Variants in ANKS1B observed in about 807,000 individuals in gnomAD.
ANKS1B encodes ankyrin repeat and sterile alpha motif domain-containing protein 1B.
ANKS1B carries 36 observed loss-of-function variants against 148.3 expected under a neutral mutation model. The ratio of observed to expected loss-of-function variants is 0.24; its 90% CI spans 0.19 to 0.32. ANKS1B has a LOEUF of 0.32. Among genes scored for constraint, ANKS1B ranks in the 10% least tolerant of loss-of-function variants. The probability of loss-of-function intolerance (pLI) is 1.00; values close to 1 mark genes in which losing one functional copy is unlikely to be tolerated. For missense variants in ANKS1B, 1,157 were observed against 1,542.6 expected (o/e 0.75, Z 4.19); for synonymous variants, 542 against 560.8 (o/e 0.97, Z 0.47).
At chr12:99,316,293 T>C (rs2084079590) in intron 12 of ANKS1B, among the ~76,000 whole-genome samples, 1 of 152,216 alleles carries the variant, frequency 6.6e-6, no homozygotes, top group Non-Finnish European at 1.5e-5. Context: ...ACCAACAGTG[T>C]GAAAGTGTTC....
chr12:99,076,450 G>A (rs181545442), intron 16 of ANKS1B, among the ~76,000 whole-genome samples: 30 of 152,300 alleles, frequency 2.0e-4, no homozygotes, highest in African/African-American at 7.0e-4. Flanking sequence ...ACAGAACTCT[G>A]TAAGAATCAC....
At chr12:98,832,195 T>A in intron 17 of ANKS1B, 59 bp from the exon 18 acceptor site, 1 of 1,316,334 alleles carries the variant, frequency 7.6e-7, no homozygotes, top group Non-Finnish European at 1.0e-6. Context: ...TTTTTATATG[T>A]CCTAAAACAT....
chr12:99,947,549 A>T (rs1437984221), intron 1 of ANKS1B, among the ~76,000 whole-genome samples: 2 of 152,188 alleles, frequency 1.3e-5, no homozygotes, highest in Admixed American at 6.5e-5. Context: ...AATACAGAAG[A>T]CCTATATATA....
At chr12:99,483,140 C>A (rs2096438990) in intron 10 of ANKS1B, among the ~76,000 whole-genome samples, 1 of 151,198 alleles carries the variant, frequency 6.6e-6, no homozygotes, top group African/African-American at 2.4e-5. Flanking sequence ...GTGGGTAGGT[C>A]ATATATAGCT....
At chr12:99,925,557 T>C (rs572657269) in intron 1 of ANKS1B, among the ~76,000 whole-genome samples, 148 of 152,308 alleles carry the variant, frequency 9.7e-4, no homozygotes, top group Non-Finnish European at 1.9e-3. Flanking sequence ...GTGATAGTTA[T>C]CAATGTATTT....
intron 4 of ANKS1B, among the ~76,000 whole-genome samples, chr12:99,801,243 A>C (rs919184980): frequency 2.0e-5 from 3 of 152,110 alleles, no homozygotes; most frequent in Non-Finnish European, 4.4e-5. Flanking sequence ...TAGTCCCAGG[A>C]GGAAGATAAT....
chr12:99,925,784 CAGAA>C (rs2094464937), intron 1 of ANKS1B, among the ~76,000 whole-genome samples: 1 of 152,142 alleles, frequency 6.6e-6, no homozygotes, highest in Non-Finnish European at 1.5e-5. Flanking sequence ...GAAAACCTAA[CAGAA>C]AGTTAATACA....
chr12:99,659,344 T>C (rs754190391), intron 8 of ANKS1B, among the ~76,000 whole-genome samples: 1 of 152,132 alleles, frequency 6.6e-6, no homozygotes, highest in Non-Finnish European at 1.5e-5. Flanking sequence ...CTGTTCAAAC[T>C]TTTTACTGGA....
intron 12 of ANKS1B, among the ~76,000 whole-genome samples, chr12:99,352,659 C>T (rs1215081325): frequency 2.6e-5 from 4 of 151,896 alleles, no homozygotes; most frequent in Non-Finnish European, 5.9e-5. Flanking sequence ...AGAGGCCATC[C>T]CCATCAGGCA....
chr12:99,497,473 A>T (rs200688254), intron 10 of ANKS1B, among the ~76,000 whole-genome samples: 2 of 152,122 alleles, frequency 1.3e-5, no homozygotes, highest in African/African-American at 4.8e-5. Context: ...GGTGGCAGGG[A>T]TGGTTCCTTC....
chr12:99,184,482 G>A (rs1330494816), intron 14 of ANKS1B, among the ~76,000 whole-genome samples: 3 of 152,200 alleles, frequency 2.0e-5, no homozygotes, highest in Non-Finnish European at 2.9e-5. Context: ...TAGACCTAGA[G>A]TTAGAGATCT....
intron 15 of ANKS1B, among the ~76,000 whole-genome samples, chr12:99,119,168 A>T (rs1056060231): frequency 6.6e-6 from 1 of 152,154 alleles, no homozygotes; most frequent in Non-Finnish European, 1.5e-5. Context: ...ATACAAACAC[A>T]TGTATCTTAT....
At chr12:99,258,825 A>G (rs2075604424) in intron 12 of ANKS1B, among the ~76,000 whole-genome samples, 1 of 152,182 alleles carries the variant, frequency 6.6e-6, no homozygotes, top group African/African-American at 2.4e-5. Flanking sequence ...AATCAATTAT[A>G]GTTTCCAAAC....
intron 14 of ANKS1B, among the ~76,000 whole-genome samples, chr12:99,211,904 G>A (rs2083390687): frequency 6.6e-6 from 1 of 152,128 alleles, no homozygotes; most frequent in South Asian, 2.1e-4. Flanking sequence ...AAACCTCTTG[G>A]TGAAGTGACA....
intron 21 of ANKS1B, 37 bp from the exon 22 acceptor site, chr12:98,799,042 G>A (rs1424966488): frequency 6.9e-7 from 1 of 1,455,906 alleles, no homozygotes; most frequent in Non-Finnish European, 9.4e-7. Flanking sequence ...TTATGAAATG[G>A]AATATACATA....
At position 99,373,035 on chromosome 12, in the gene ANKS1B, T is replaced by TGAA. The variant is rs1344491503; in HGVS notation, c.1756+26595_1756+26596insTTC. 4.6e-5 allele frequency among the ~76,000 whole-genome samples: 7 copies of TGAA among 152,240 alleles called. 1 individual carries two copies. The highest frequency in any genetic ancestry group is 1.7e-4 in the African/African-American group (7 of 41,540). On this transcript the variant is annotated intron_variant, in intron 12 of 26. Coordinates refer to ENST00000683438, the MANE Select transcript of ANKS1B (RefSeq NM_001352186.2). ...ATAGATAGATCATGAAAGTTTGAGG[T>TGAA]ACCATGAAATATGATGTGAAAATCA... is the stretch of plus-strand genomic sequence containing the variant.
At chr12:99,915,093 T>C (rs2094130263) in intron 1 of ANKS1B, among the ~76,000 whole-genome samples, 1 of 151,896 alleles carries the variant, frequency 6.6e-6, no homozygotes, top group Admixed American at 6.6e-5. Flanking sequence ...GGCATGGTGA[T>C]GCATGCCTGT....
At chr12:98,983,957 T>C (rs570349489) in intron 17 of ANKS1B, among the ~76,000 whole-genome samples, 3 of 152,254 alleles carry the variant, frequency 2.0e-5, no homozygotes, top group African/African-American at 7.2e-5. Flanking sequence ...TTTGAGCAGA[T>C]GTAAGAGTCT....
chr12:98,912,450 C>T (rs2099788126), intron 17 of ANKS1B, among the ~76,000 whole-genome samples: 1 of 152,130 alleles, frequency 6.6e-6, no homozygotes, highest in Admixed American at 6.6e-5. Context: ...CTTAAGTCTT[C>T]CTGATCCTGC....
Sources: gnomAD v4.1 joint callset for allele counts (sites outside exome capture counted in the v4.1 genomes callset) on GRCh38, gnomAD v4.1.1 for gene constraint, MANE v1.5 for transcripts, NCBI Gene and HGNC (gene_info 2026-07-23, HGNC 2026-07-21) for gene names.